The following ATG10 variants were observed in gnomAD, a reference collection of about 807,000 sequenced individuals.
ATG10 encodes ubiquitin-like-conjugating enzyme ATG10.
Under a neutral mutation model 32.1 loss-of-function variants are expected in ATG10, and 30 were observed. The observed-to-expected ratio is 0.94, with a 90% CI of 0.70 to 1.27. The LOEUF (loss-of-function observed/expected upper bound fraction) is 1.27. Ranked by LOEUF, ATG10 falls within the 50% of genes most tolerant of loss-of-function variation. The pLI, the probability that ATG10 is intolerant of heterozygous loss-of-function variation, is 0.00. For synonymous variants in ATG10, 87 were observed against 91.5 expected, an observed-to-expected ratio of 0.95 and a Z score of 0.28; for missense variants, 233 against 262.3, an observed-to-expected ratio of 0.89 and a Z score of 0.77.
intron 3 of ATG10, among the ~76,000 whole-genome samples, chr5:82,058,964 C>G (rs559317733): frequency 1.3e-5 from 2 of 152,102 alleles, no homozygotes; most frequent in African/African-American, 2.4e-5. Context: ...ACCACAGATG[C>G]CTTCTGTTGT....
At chr5:82,004,311 A>G (rs1464389850) in intron 2 of ATG10, among the ~76,000 whole-genome samples, 9 of 152,208 alleles carry the variant, frequency 5.9e-5, no homozygotes, top group Non-Finnish European at 1.0e-4. Context: ...TTGCATTACT[A>G]AAAATGGGGG....
chr5:82,193,599 C>A (rs928499726), intron 5 of ATG10, among the ~76,000 whole-genome samples: 1 of 152,202 alleles, frequency 6.6e-6, no homozygotes, highest in East Asian at 1.9e-4. Context: ...CCCTCCCCTA[C>A]CTCTACTTAA....
chr5:82,244,843 T>C (rs1341916750), intron 5 of ATG10, among the ~76,000 whole-genome samples: 2 of 152,200 alleles, frequency 1.3e-5, no homozygotes, highest in Admixed American at 6.6e-5. Context: ...AAATTAAATT[T>C]CATGAGGAAA....
chr5:82,069,568 T>TGTCC (rs1225534446), intron 3 of ATG10, among the ~76,000 whole-genome samples: 1 of 152,166 alleles, frequency 6.6e-6, no homozygotes, highest in Non-Finnish European at 1.5e-5. Context: ...ATCACAACTG[T>TGTCC]GTCCTTAGCA....
chr5:82,190,167 T>C (rs572137136), intron 5 of ATG10, among the ~76,000 whole-genome samples: 2 of 152,306 alleles, frequency 1.3e-5, no homozygotes, highest in African/African-American at 2.4e-5. Context: ...GATCTGGGCT[T>C]AAAATTCTTT....
At position 82,141,357 on chromosome 5, in the gene ATG10, C is replaced by G. The variant is rs534771793; in HGVS notation, c.217-23042C>G. Among the ~76,000 whole-genome samples the G allele has an allele frequency of 1.4e-4, 22 of 152,080 alleles. No individual in the cohort carries two copies. The East Asian group carries it at 4.1e-3, about 28-fold the overall frequency. Reference sequence around the variant, plus strand: ...TGAACTGATACACTTGATTCAATCACAATCATTACTTATTAAGCTAATTAA... The same window carrying G: ...TGAACTGATACACTTGATTCAATCAGAATCATTACTTATTAAGCTAATTAA... On this transcript the variant is annotated intron_variant, in intron 3 of 7. Transcript: ENST00000282185.
At chr5:82,165,144 G>A (rs181891558) in intron 4 of ATG10, among the ~76,000 whole-genome samples, 8 of 152,272 alleles carry the variant, frequency 5.3e-5, no homozygotes, top group South Asian at 4.1e-4. Context: ...CAGCCACATG[G>A]CGTCCTCACT....
At chr5:82,075,912 A>G (rs1436013523) in intron 3 of ATG10, among the ~76,000 whole-genome samples, 1 of 152,104 alleles carries the variant, frequency 6.6e-6, no homozygotes, top group Non-Finnish European at 1.5e-5. Context: ...TCCAGCCTGG[A>G]CGACAGAGCA....
intron 1 of ATG10, among the ~76,000 whole-genome samples, chr5:81,976,830 A>G (rs556197145): frequency 2.6e-5 from 4 of 152,254 alleles, no homozygotes; most frequent in South Asian, 2.1e-4. Flanking sequence ...AAAATTTGCA[A>G]CCTCCAGCAT....
At chr5:82,081,529 TC>T (rs751818008) in intron 3 of ATG10, among the ~76,000 whole-genome samples, 6 of 152,370 alleles carry the variant, frequency 3.9e-5, no homozygotes, top group Non-Finnish European at 7.3e-5. Flanking sequence ...TTGCAATATG[TC>T]CCATGAATAC....
At chr5:82,187,603 T>C (rs1182761421) in intron 5 of ATG10, among the ~76,000 whole-genome samples, 1 of 151,476 alleles carries the variant, frequency 6.6e-6, no homozygotes, top group Non-Finnish European at 1.5e-5. Flanking sequence ...TTTGAAACTG[T>C]GTTTCGCTCT....
chr5:82,176,093 A>C (rs1455383931), intron 4 of ATG10, among the ~76,000 whole-genome samples: 1 of 152,224 alleles, frequency 6.6e-6, no homozygotes, highest in East Asian at 1.9e-4. Flanking sequence ...AAATACTTTA[A>C]GGAATAAAAT....
At chr5:81,990,173 T>C (rs1179925830) in intron 2 of ATG10, among the ~76,000 whole-genome samples, 1 of 152,220 alleles carries the variant, frequency 6.6e-6, no homozygotes, top group East Asian at 1.9e-4. Context: ...AAATCTTGCC[T>C]TGAACCTGAT....
At chr5:82,085,638 CA>C (rs907067835) in intron 3 of ATG10, among the ~76,000 whole-genome samples, 474 of 139,424 alleles carry the variant, frequency 3.4e-3, no homozygotes, top group African/African-American at 0.011. Flanking sequence ...TAAAGTATAA[CA>C]AAAAAAAAAG....
chr5:82,182,197 A>G (rs761409199), intron 5 of ATG10, among the ~76,000 whole-genome samples: 1 of 152,144 alleles, frequency 6.6e-6, no homozygotes, highest in African/African-American at 2.4e-5. Flanking sequence ...TCAGATAAGT[A>G]ATTTTTTCTT....
chr5:82,146,162 CTTTTG>C (rs1160904633), intron 3 of ATG10, among the ~76,000 whole-genome samples: 1 of 151,906 alleles, frequency 6.6e-6, no homozygotes, highest in African/African-American at 2.4e-5. Context: ...CTTAGTGTTC[CTTTTG>C]TAGAAAATTT....
At chr5:82,197,496 C>CTACG (rs1744905848) in intron 5 of ATG10, among the ~76,000 whole-genome samples, 1 of 151,968 alleles carries the variant, frequency 6.6e-6, no homozygotes, top group Admixed American at 6.6e-5. Context: ...ACCTACCTAC[C>CTACG]TACCTGCCTA....
intron 3 of ATG10, among the ~76,000 whole-genome samples, chr5:82,106,545 T>A (rs1043723733): frequency 6.6e-6 from 1 of 152,080 alleles, no homozygotes; most frequent in Non-Finnish European, 1.5e-5. Context: ...CAGGGTGAGA[T>A]CTCATTTAAC....
At chr5:82,130,014 G>T (rs1312105416) in intron 3 of ATG10, among the ~76,000 whole-genome samples, 1 of 152,184 alleles carries the variant, frequency 6.6e-6, no homozygotes, top group Admixed American at 6.5e-5. Flanking sequence ...GACTGGGGCT[G>T]CTGCCTGTTT....
Sources: allele counts gnomAD v4.1 joint callset (sites outside exome capture counted in the v4.1 genomes callset), GRCh38; gene constraint gnomAD v4.1.1; transcripts MANE v1.5; gene names NCBI Gene and HGNC (gene_info 2026-07-23, HGNC 2026-07-21).